Variants in ERC2 observed in about 807,000 individuals in gnomAD.
ERC2 encodes ELKS/RAB6-interacting/CAST family member 2.
ERC2 carries 42 observed loss-of-function variants against 114.8 expected under a neutral mutation model. The ratio of observed to expected loss-of-function variants is 0.37; its 90% confidence interval spans 0.29 to 0.47. The LOEUF (loss-of-function observed/expected upper bound fraction) is 0.47, where lower values mean the gene tolerates loss of function less well. Ranked by LOEUF, ERC2 falls within the 20% of genes least tolerant of loss-of-function variation. The pLI is 0.99. For missense variants in ERC2, 939 were observed against 1,150.7 expected (o/e 0.82, Z 2.66); for synonymous variants, 454 against 425.5 (o/e 1.07, Z -0.82).
intron 17 of ERC2, among the ~76,000 whole-genome samples, chr3:55,640,847 A>G (rs764210804): frequency 6.6e-6 from 1 of 152,216 alleles, no homozygotes; most frequent in Non-Finnish European, 1.5e-5. Context: ...TATTTTTGTA[A>G]CAGTACTTTG....
intron 7 of ERC2, among the ~76,000 whole-genome samples, chr3:56,022,265 A>C (rs535464101): frequency 1.3e-5 from 2 of 152,188 alleles, no homozygotes; most frequent in South Asian, 2.1e-4. Context: ...AATATAAGGA[A>C]TCTACTAAAA....
intron 17 of ERC2, among the ~76,000 whole-genome samples, chr3:55,614,507 T>C (rs192829429): frequency 0.011 from 1,717 of 152,278 alleles, 23 homozygotes; most frequent in Non-Finnish European, 0.012. Context: ...GGTATGGTAA[T>C]GGTTGGTCAA....
intron 6 of ERC2, among the ~76,000 whole-genome samples, chr3:56,137,336 T>TCA (rs2080568583): frequency 6.6e-6 from 1 of 152,176 alleles, no homozygotes; most frequent in South Asian, 2.1e-4. Flanking sequence ...AAAATATGGG[T>TCA]ACAAGCAGTT....
intron 17 of ERC2, among the ~76,000 whole-genome samples, chr3:55,537,905 C>T (rs1247198945): frequency 1.3e-5 from 2 of 152,182 alleles, no homozygotes; most frequent in South Asian, 4.1e-4. Flanking sequence ...GTGCCTATTA[C>T]TCTATTAGAA....
intron 2 of ERC2, among the ~76,000 whole-genome samples, chr3:56,369,013 A>G (rs2059260584): frequency 6.6e-6 from 1 of 152,320 alleles, no homozygotes; most frequent in Admixed American, 6.5e-5. Flanking sequence ...GAGATCCTCT[A>G]GAAGTCGCCA....
At chr3:55,636,892 A>C (rs13084767) in intron 17 of ERC2, among the ~76,000 whole-genome samples, 21,572 of 152,232 alleles carry the variant, frequency 0.14, 1,924 homozygotes, top group Non-Finnish European at 0.21. Context: ...TTATAAGCCT[A>C]GTGTTAGACC....
At chr3:56,112,597 TA>T (rs2079023533) in intron 6 of ERC2, among the ~76,000 whole-genome samples, 1 of 152,154 alleles carries the variant, frequency 6.6e-6, no homozygotes, top group African/African-American at 2.4e-5. Context: ...TTGTCATTAT[TA>T]AAAGGTGATC....
At chr3:56,409,034 C>T (rs1296867711) in intron 2 of ERC2, among the ~76,000 whole-genome samples, 2 of 152,252 alleles carry the variant, frequency 1.3e-5, no homozygotes, top group South Asian at 2.1e-4. Flanking sequence ...GTGACCAAAA[C>T]ACCTACCAGT....
intron 3 of ERC2, among the ~76,000 whole-genome samples, chr3:56,266,036 AAAATAAAATAAAAT>A (rs2053273426): frequency 4.5e-4 from 5 of 11,050 alleles, no homozygotes; most frequent in African/African-American, 7.5e-4. Context: ...CCAAAAAAAT[AAAATAAAATAAAAT>A]AAAATAAAAT....
chr3:55,752,361 C>G (rs2066758001), intron 14 of ERC2, among the ~76,000 whole-genome samples: 1 of 152,186 alleles, frequency 6.6e-6, no homozygotes, highest in South Asian at 2.1e-4. Flanking sequence ...TTCCAACTGA[C>G]AAGGGTCAGC....
chr3:56,293,484 G>C (rs1009883426), intron 3 of ERC2, among the ~76,000 whole-genome samples: 3 of 152,208 alleles, frequency 2.0e-5, no homozygotes, highest in African/African-American at 7.2e-5. Context: ...TTAACACCAG[G>C]ATCATGAGAT....
At chr3:55,840,687 A>T (rs2061093049) in intron 14 of ERC2, among the ~76,000 whole-genome samples, 1 of 152,148 alleles carries the variant, frequency 6.6e-6, no homozygotes, top group Non-Finnish European at 1.5e-5. Flanking sequence ...AGGAATGGTC[A>T]TAGTTATTTT....
intron 14 of ERC2, among the ~76,000 whole-genome samples, chr3:55,779,039 C>T (rs936635377): frequency 6.6e-6 from 1 of 151,888 alleles, no homozygotes; most frequent in Non-Finnish European, 1.5e-5. Flanking sequence ...GGCAGATAAT[C>T]TAAATGGGCC....
In ERC2 at chr3:56,296,325, G is replaced by A. The variant is rs376629102; in HGVS notation, c.768C>T (p.Ile256=). 65 of 1,613,918 alleles carry A rather than the reference G, an allele frequency of 4.0e-5. No homozygotes were observed. The highest frequency in any genetic ancestry group is 3.3e-4 in the East Asian group (15 of 44,892). The change falls in exon 3 of 18, where the codon ATC becomes ATT. Residue 256 remains isoleucine (I), a synonymous_variant. Transcript: ENST00000288221. The part of the protein sequence containing the change: ...SGNRGAEHFT[I]ELTEENFRRL... ...GCCTAAAGTTCTCCTCGGTCAGCTC[G>A]ATGGTGAAGTGCTCCGCTCCTCGGT... is the stretch of plus-strand genomic sequence containing the variant.
intron 2 of ERC2, among the ~76,000 whole-genome samples, chr3:56,324,372 A>G (rs1345198466): frequency 3.9e-5 from 6 of 152,206 alleles, no homozygotes; most frequent in African/African-American, 9.6e-5. Context: ...GCACAAGGTT[A>G]TGTCCTGATA....
chr3:56,444,757 G>A (rs575556063), intron 1 of ERC2, among the ~76,000 whole-genome samples: 10 of 152,232 alleles, frequency 6.6e-5, no homozygotes, highest in East Asian at 5.8e-4. Flanking sequence ...ACAGATCTCC[G>A]CCTCAGCCCA....
At chr3:56,187,184 G>A (rs1219925267) in intron 3 of ERC2, among the ~76,000 whole-genome samples, 1 of 152,166 alleles carries the variant, frequency 6.6e-6, no homozygotes, top group African/African-American at 2.4e-5. Flanking sequence ...GCCTCTGCCT[G>A]TGGGTTCCCC....
intron 7 of ERC2, among the ~76,000 whole-genome samples, chr3:56,032,977 G>GAAAC (rs767054115): frequency 2.2e-5 from 1 of 45,436 alleles, no homozygotes; most frequent in African/African-American, 6.9e-5. Flanking sequence ...AAGAAAGAAA[G>GAAAC]AGAAAGAAAG....
At chr3:55,646,930 C>CA (rs1281663574) in intron 17 of ERC2, 1 of 152,146 alleles carries the variant, frequency 6.6e-6, no homozygotes, top group Non-Finnish European at 1.5e-5. Context: ...AAAAAACCTA[C>CA]AGTCCTAAAA....
Sources: allele counts gnomAD v4.1 joint callset (sites outside exome capture counted in the v4.1 genomes callset), GRCh38; gene constraint gnomAD v4.1.1; transcripts MANE v1.5; gene names NCBI Gene and HGNC (gene_info 2026-07-23, HGNC 2026-07-21).